The following CDKAL1 variants were observed in gnomAD, a reference collection of about 807,000 sequenced individuals.
CDKAL1 encodes CDKAL1 threonylcarbamoyladenosine tRNA methylthiotransferase, also known as threonylcarbamoyladenosine tRNA methylthiotransferase.
Under a neutral mutation model 68.2 loss-of-function variants are expected in CDKAL1, and 32 were observed. That is an observed-to-expected ratio of 0.47 (90% CI 0.35 to 0.63). The LOEUF (loss-of-function observed/expected upper bound fraction) is 0.63. CDKAL1 is among the 30% of genes least tolerant of loss of function. CDKAL1 has a pLI of 0.00. For synonymous variants in CDKAL1, 234 were observed against 244.3 expected (o/e 0.96, Z 0.39); for missense variants, 606 against 696.7 (o/e 0.87, Z 1.47).
intron 8 of CDKAL1, among the ~76,000 whole-genome samples, chr6:20,812,683 TTG>T (rs1351346138): frequency 6.6e-6 from 1 of 152,206 alleles, no homozygotes; most frequent in African/African-American, 2.4e-5. Context: ...ACAGCCTAGA[TTG>T]TTAGATTCAT....
At chr6:21,200,214 G>A (rs954217151) in intron 14 of CDKAL1, among the ~76,000 whole-genome samples, 3 of 152,192 alleles carry the variant, frequency 2.0e-5, no homozygotes, top group Non-Finnish European at 4.4e-5. Flanking sequence ...GAAGGGAAAC[G>A]TTTGCTTGAA....
chr6:20,630,659 A>G (rs1767636297), intron 4 of CDKAL1, among the ~76,000 whole-genome samples: 2 of 152,234 alleles, frequency 1.3e-5, no homozygotes, highest in Non-Finnish European at 2.9e-5. Context: ...ATAATCCCTG[A>G]ATATTGGAGT....
At chr6:20,855,589 T>C (rs374401593) in intron 9 of CDKAL1, among the ~76,000 whole-genome samples, 6 of 151,876 alleles carry the variant, frequency 4.0e-5, no homozygotes, top group Admixed American at 2.6e-4. Flanking sequence ...TCCACAGCCA[T>C]TGGGGGCTGT....
At chr6:20,850,517 T>G (rs964653313) in intron 9 of CDKAL1, among the ~76,000 whole-genome samples, 3 of 152,128 alleles carry the variant, frequency 2.0e-5, no homozygotes, top group African/African-American at 7.2e-5. Flanking sequence ...CTTGGCTCAC[T>G]GCAGCCTCCT....
intron 15 of CDKAL1, among the ~76,000 whole-genome samples, chr6:21,226,846 G>A (rs908823774): frequency 1.7e-4 from 26 of 152,276 alleles, no homozygotes; most frequent in African/African-American, 6.3e-4. Context: ...CCGAGTAGCT[G>A]GGACTACAGG....
rs377014060 is a variant in CDKAL1, at chr6:20,873,613, C to A, written c.742+27435C>A. ...ATGATCTTGATCACTCTGTTGTTCC[C>A]AATAAGTGCTGATAATCAGTATTTA... is the stretch of plus-strand genomic sequence containing the variant. On this transcript the variant is annotated intron_variant, in intron 9 of 15. Coordinates refer to ENST00000274695, the MANE Select transcript of CDKAL1 (RefSeq NM_017774.3). Among the ~76,000 whole-genome samples, 3 of 152,174 alleles carry A rather than the reference C, an allele frequency of 2.0e-5. No individual in the cohort carries two copies. The South Asian group carries it at 6.2e-4, about 32-fold the overall frequency.
Position 20,906,888 on chromosome 6 carries a change from G to T in CDKAL1, c.743-48531G>T, listed in dbSNP as rs1190489563. On this transcript the variant is annotated intron_variant, in intron 9 of 15. Transcript: ENST00000274695. ...AAATGCTACACCATAAATGAACCTT[G>T]AGGATGTTAATATTAAGAGAAAAGA... Among the ~76,000 whole-genome samples the T allele has an allele frequency of 2.0e-5, 3 of 152,186 alleles. No individual in the cohort carries two copies. The East Asian group carries it at 5.8e-4, about 29-fold the overall frequency.
rs563907110 is a variant in CDKAL1 at position 20,977,148 on chromosome 6, G to A, written c.909+21563G>A. Among the ~76,000 whole-genome samples the A allele has an allele frequency of 5.9e-5, 9 of 152,230 alleles. No homozygotes were observed. The East Asian group carries it at 9.6e-4, about 16-fold the overall frequency. On this transcript the variant is annotated intron_variant, in intron 10 of 15. Transcript: ENST00000274695. ...TAAAGACCCTTAAAGAAATGACCTA[G>A]TGTAATTAATATCCCTCTTGAAAAG... is the stretch of plus-strand genomic sequence containing the variant.
At chr6:20,764,078 T>C (rs1048481775) in intron 7 of CDKAL1, among the ~76,000 whole-genome samples, 1 of 148,370 alleles carries the variant, frequency 6.7e-6, no homozygotes, top group Non-Finnish European at 1.5e-5. Flanking sequence ...TTAAAAACTT[T>C]TTTTTGTATG....
intron 5 of CDKAL1, among the ~76,000 whole-genome samples, chr6:20,662,024 ATTG>A (rs1048308187): frequency 1.3e-5 from 2 of 152,058 alleles, no homozygotes; most frequent in Non-Finnish European, 2.9e-5. Context: ...GTGATTTCCT[ATTG>A]TTTTGGTTTG....
chr6:21,138,168 A>G (rs1775711042), intron 13 of CDKAL1, among the ~76,000 whole-genome samples: 2 of 152,282 alleles, frequency 1.3e-5, no homozygotes, highest in South Asian at 4.1e-4. Flanking sequence ...GCAAAAGAAG[A>G]TGGTTCTTCC....
rs535048702 is a variant in CDKAL1 at position 20,980,081 on chromosome 6, A to G, written c.910-20146A>G. ...CCACCACGCCTGGCCAATTCAATAT[A>G]TTTATAAGCTTGAAAGTCTTCTATT... On this transcript the variant is annotated intron_variant, in intron 10 of 15. Coordinates refer to ENST00000274695, the MANE Select transcript of CDKAL1 (RefSeq NM_017774.3). Among the ~76,000 whole-genome samples the G allele has an allele frequency of 5.3e-5, 8 of 152,024 alleles. No individual in the cohort carries two copies. The South Asian group carries it at 6.2e-4, about 12-fold the overall frequency.
At position 20,955,422 on chromosome 6, in the gene CDKAL1, G is replaced by A. The variant is rs1581908137; in HGVS notation, c.746G>A (p.Gly249Asp). ...AATTATCTCTTTTGATTCACAGAGG[G>A]TGTTTGTGAGATATGGTTGACCAGT... ...VDRAKQSFQE[G>D]VCEIWLTSED... The change falls in exon 10 of 16, where the codon GGT becomes GAT. Residue 249 changes from glycine (G) to aspartate (D), a missense_variant. Transcript: ENST00000274695. 1.2e-6 allele frequency: 2 copies of A among 1,614,134 alleles called. No individual in the cohort carries two copies. Among genetic ancestry groups the A allele is most frequent in the Non-Finnish European group, 1.7e-6 (2 of 1,179,978 alleles).
chr6:21,209,036 G>A (rs1384232707), intron 15 of CDKAL1, among the ~76,000 whole-genome samples: 1 of 152,122 alleles, frequency 6.6e-6, no homozygotes, highest in Non-Finnish European at 1.5e-5. Context: ...GCATCGTGAG[G>A]GAAATTGCAT....
rs572247127 is a variant in CDKAL1, at chr6:21,108,560, C to T, written c.1299+97C>T. The T allele has an allele frequency of 2.0e-5, 14 of 695,672 alleles. 1 individual carries two copies. The Admixed American group carries it at 4.2e-4, about 21-fold the overall frequency. 43.1% of individuals were successfully genotyped at this position (695,672 alleles called of 1,614,324 possible). A position where few individuals can be genotyped will look rare whatever the true frequency, so the allele number is the denominator to read the frequency against. ...ATATGGTGATTCTGAAATACACTTACCAATTACATTTATATTTCAATTTAA... is the reference window on the plus strand; with the variant it reads ...ATATGGTGATTCTGAAATACACTTATCAATTACATTTATATTTCAATTTAA... On this transcript the variant is annotated intron_variant, in intron 13 of 15. Transcript: ENST00000274695.
At chr6:20,946,721 C>T (rs749805254) in intron 9 of CDKAL1, among the ~76,000 whole-genome samples, 7 of 151,708 alleles carry the variant, frequency 4.6e-5, no homozygotes, top group East Asian at 1.9e-4. Flanking sequence ...CTCAGCCTCC[C>T]GAGTAGCTGG....
At chr6:20,606,152 G>T (rs911190130) in intron 4 of CDKAL1, among the ~76,000 whole-genome samples, 3 of 151,794 alleles carry the variant, frequency 2.0e-5, no homozygotes, top group African/African-American at 7.3e-5. Context: ...TTATATGTTC[G>T]GCCTGTTTTT....
intron 8 of CDKAL1, among the ~76,000 whole-genome samples, chr6:20,786,437 T>C (rs986183924): frequency 6.6e-6 from 1 of 151,934 alleles, no homozygotes; most frequent in South Asian, 2.1e-4. Context: ...TAAGCTAAGG[T>C]TGATAAGCTG....
At chr6:20,934,688 T>G (rs1561896419) in intron 9 of CDKAL1, among the ~76,000 whole-genome samples, 1 of 151,488 alleles carries the variant, frequency 6.6e-6, no homozygotes, top group Non-Finnish European at 1.5e-5. Flanking sequence ...CTACAAAAAC[T>G]GAAAAAAAAT....
Sources: gnomAD v4.1 joint callset for allele counts (sites outside exome capture counted in the v4.1 genomes callset) on GRCh38, gnomAD v4.1.1 for gene constraint, MANE v1.5 for transcripts, NCBI Gene and HGNC (gene_info 2026-07-23, HGNC 2026-07-21) for gene names.